ART3: variants seen among roughly 807,000 people sequenced by gnomAD.
ART3 encodes ADP-ribosyltransferase 3 (inactive).
Under a neutral mutation model 48.5 loss-of-function variants are expected in ART3, and 49 were observed. That is an observed-to-expected ratio of 1.01 (90% confidence interval 0.80 to 1.28). ART3 has a LOEUF of 1.28. Among genes scored for constraint, ART3 ranks in the 50% most tolerant of loss-of-function variants. ART3 has a pLI of 0.00. For missense variants in ART3, 438 were observed against 454.3 expected (o/e 0.96, Z 0.33); for synonymous variants, 145 against 157.2 (o/e 0.92, Z 0.58).
chr4:76,101,349 T>C (rs538387043), intron 8 of ART3, among the ~76,000 whole-genome samples: 1 of 152,382 alleles, frequency 6.6e-6, no homozygotes, highest in South Asian at 2.1e-4. Flanking sequence ...AAAATGACTA[T>C]TCTTTGTATT....
intron 1 of ART3, among the ~76,000 whole-genome samples, chr4:76,011,881 G>C (rs1271947108): frequency 6.6e-6 from 1 of 152,208 alleles, no homozygotes; most frequent in African/African-American, 2.4e-5. Flanking sequence ...GCAGCGGGAA[G>C]GAGAAAATCC....
intron 3 of ART3, 66 bp downstream of exon 3, chr4:76,082,601 G>C: frequency 7.3e-7 from 1 of 1,369,888 alleles, no homozygotes; most frequent in Non-Finnish European, 9.8e-7. Context: ...CTTAGGGAAA[G>C]GTCAGTGAAA....
At chr4:76,046,085 T>G (rs181795222) in intron 1 of ART3, among the ~76,000 whole-genome samples, 1 of 149,412 alleles carries the variant, frequency 6.7e-6, no homozygotes, top group African/African-American at 2.5e-5. Flanking sequence ...ATCCACATAT[T>G]GAAGGACCAG....
intron 1 of ART3, among the ~76,000 whole-genome samples, chr4:76,015,558 C>A (rs1470700939): frequency 6.6e-6 from 1 of 152,162 alleles, no homozygotes; most frequent in Non-Finnish European, 1.5e-5. Context: ...CAAAGTAAAA[C>A]CTTCCTTATC....
upstream of ART3, among the ~76,000 whole-genome samples, chr4:76,071,286 C>T (rs537838104): frequency 6.7e-6 from 1 of 148,586 alleles, no homozygotes; most frequent in Non-Finnish European, 1.5e-5. Context: ...TGCAGTGAGC[C>T]GAGATAGGGA....
At chr4:76,046,121 A>ATG (rs58976472) in intron 1 of ART3, among the ~76,000 whole-genome samples, 1 of 151,400 alleles carries the variant, frequency 6.6e-6, no homozygotes, top group Non-Finnish European at 1.5e-5. Context: ...GAAGTGGCCT[A>ATG]GATCCTGGGC....
At chr4:76,090,418 T>C (rs2149605705) in intron 3 of ART3, among the ~76,000 whole-genome samples, 1 of 152,352 alleles carries the variant, frequency 6.6e-6, no homozygotes, top group Non-Finnish European at 1.5e-5. Context: ...AAAGAGGAAG[T>C]CCTCGTGACC....
At chr4:76,110,113 T>A in intron 11 of ART3, among the ~76,000 whole-genome samples, 1 of 114,236 alleles carries the variant, frequency 8.8e-6, no homozygotes, top group Admixed American at 8.7e-5. Context: ...AACATTTATT[T>A]TTTTTTTATC....
At chr4:76,100,683 T>G in intron 6 of ART3, 112 bp from the exon 7 acceptor site, 1 of 1,286,094 alleles carries the variant, frequency 7.8e-7, no homozygotes, top group South Asian at 1.4e-5. Context: ...ATACCTCCCT[T>G]TACAGGTGGG....
At chr4:76,089,342 C>T (rs1724305923) in intron 3 of ART3, among the ~76,000 whole-genome samples, 1 of 151,164 alleles carries the variant, frequency 6.6e-6, no homozygotes, top group Non-Finnish European at 1.5e-5. Context: ...GGAGATGGGG[C>T]CTGGAAGGAG....
intron 1 of ART3, among the ~76,000 whole-genome samples, chr4:76,062,734 G>A (rs1285007526): frequency 1.3e-5 from 2 of 151,708 alleles, no homozygotes; most frequent in African/African-American, 4.8e-5. Flanking sequence ...CTAATTTTTT[G>A]TATTTTTAGT....
intron 1 of ART3, chr4:76,021,777 A>C: frequency 1.3e-6 from 1 of 745,594 alleles, no homozygotes; most frequent in Non-Finnish European, 2.4e-6. Flanking sequence ...GTAGCAGCTG[A>C]TTTGGTGACC....
intron 1 of ART3, among the ~76,000 whole-genome samples, chr4:76,061,128 C>T (rs1422815722): frequency 2.0e-5 from 3 of 152,184 alleles, no homozygotes; most frequent in Non-Finnish European, 2.9e-5. Context: ...ATTTAAATGA[C>T]TATCTCAGAT....
In ART3 at chr4:76,082,361, A is replaced by G; in HGVS notation, c.607A>G (p.Ile203Val). The G allele has an allele frequency of 1.9e-6, 3 of 1,614,196 alleles. No homozygotes were observed. Among genetic ancestry groups the G allele is most frequent in the Admixed American group, 1.7e-5 (1 of 60,022 alleles). Residue 203 changes from isoleucine (I) to valine (V), a missense_variant, in exon 3 of 12, where the codon ATC becomes GTC. This residue lies in a region of ART3 where 227 missense variants were observed against 229.6 expected (regional missense o/e 0.99). Transcript: ENST00000355810. ...TAATGACCAGCTCACTGTGTTATCC[A>G]TCTACACATGCCTTGGAGTTGACAT... ...AANDQLTVLS[I>V]YTCLGVDIEN...
chr4:76,024,941 G>C (rs568436916), intron 1 of ART3, among the ~76,000 whole-genome samples: 29 of 152,256 alleles, frequency 1.9e-4, no homozygotes, highest in African/African-American at 6.0e-4. Flanking sequence ...CTCAAATGTA[G>C]GAACTCCATC....
intron 1 of ART3, among the ~76,000 whole-genome samples, chr4:76,029,028 C>T (rs1235789964): frequency 6.6e-6 from 1 of 152,144 alleles, no homozygotes; most frequent in African/African-American, 2.4e-5. Context: ...TTTCTTTCTC[C>T]TTCCCATAAA....
intron 1 of ART3, 114 bp from the exon 2 acceptor site, chr4:76,075,767 C>A: frequency 1.3e-6 from 1 of 746,530 alleles, no homozygotes. Flanking sequence ...ACTTCCTGAC[C>A]ATCATGCTAT....
chr4:76,068,572 A>G (rs1254632344), intron 1 of ART3, among the ~76,000 whole-genome samples: 1 of 152,224 alleles, frequency 6.6e-6, no homozygotes, highest in East Asian at 1.9e-4. Flanking sequence ...TGGAAGCCAA[A>G]TCATGAGAAC....
chr4:76,023,076 A>C (rs1317831806), intron 1 of ART3, among the ~76,000 whole-genome samples: 2 of 152,174 alleles, frequency 1.3e-5, no homozygotes, highest in African/African-American at 4.8e-5. Flanking sequence ...TAGTTAGGTA[A>C]GGAAGTATCT....
Sources: allele counts gnomAD v4.1 joint callset (sites outside exome capture counted in the v4.1 genomes callset), GRCh38; gene constraint gnomAD v4.1.1; regional missense constraint gnomAD v4.1.1; transcripts MANE v1.5; gene names NCBI Gene and HGNC (gene_info 2026-07-23, HGNC 2026-07-21).